PSEN1: variants seen among roughly 807,000 people sequenced by gnomAD.
PSEN1 encodes the protein presenilin-1.
A neutral mutation model predicts 53.5 loss-of-function variants in PSEN1; 15 were observed. That is an observed-to-expected ratio of 0.28 (90% confidence interval 0.19 to 0.43). The LOEUF (loss-of-function observed/expected upper bound fraction) is 0.43, where lower values mean the gene tolerates loss of function less well. Among genes scored for constraint, PSEN1 ranks in the 20% least tolerant of loss-of-function variants. The pLI, the probability that PSEN1 is intolerant of heterozygous loss-of-function variation, is 1.00. For synonymous variants in PSEN1, 208 were observed against 209.8 expected (o/e 0.99, Z 0.08); for missense variants, 387 against 571.2 (o/e 0.68, Z 3.29).
chr14:73,187,869 C>T (rs1018663868), intron 6 of PSEN1, among the ~76,000 whole-genome samples: 3 of 151,998 alleles, frequency 2.0e-5, no homozygotes, highest in African/African-American at 7.3e-5. Flanking sequence ...AACTATTGGT[C>T]GGTTATATTT....
At chr14:73,140,611 TTAA>T (rs1173107490) in intron 1 of PSEN1, among the ~76,000 whole-genome samples, 1 of 152,160 alleles carries the variant, frequency 6.6e-6, no homozygotes, top group East Asian at 1.9e-4. Flanking sequence ...TCACTATAGC[TTAA>T]TAATTTGTTT....
At chr14:73,162,832 T>C (rs544816722) in intron 3 of PSEN1, among the ~76,000 whole-genome samples, 38 of 152,288 alleles carry the variant, frequency 2.5e-4, no homozygotes, top group African/African-American at 8.9e-4. Context: ...AAAGAAACTT[T>C]GAAAGGATTC....
chr14:73,165,860 A>G lies in PSEN1; in HGVS notation c.88-4937A>G, dbSNP rs371274554. On this transcript the variant is annotated intron_variant, in intron 3 of 11. Transcript: ENST00000324501. ...ATCATGAGGTCAGGAGTTCGAGACC[A>G]GCCTGGCCAACATGGTGAAACCCTG... Among the ~76,000 whole-genome samples the G allele has an allele frequency of 3.0e-4, 45 of 152,142 alleles. No individual in the cohort carries two copies. The East Asian group carries it at 7.7e-3, about 26-fold the overall frequency.
chr14:73,174,677 G>A (rs1239066404), intron 5 of PSEN1, among the ~76,000 whole-genome samples: 42 of 152,064 alleles, frequency 2.8e-4, no homozygotes, highest in Admixed American at 2.8e-3. Context: ...TTTTTATATT[G>A]GAGTACAGAA....
intron 9 of PSEN1, among the ~76,000 whole-genome samples, chr14:73,207,441 A>G (rs1899498525): frequency 6.6e-6 from 1 of 152,208 alleles, no homozygotes; most frequent in African/African-American, 2.4e-5. Flanking sequence ...GAGGAAAAAA[A>G]GGCCTTAATT....
intron 8 of PSEN1, among the ~76,000 whole-genome samples, chr14:73,201,038 G>A (rs910009741): frequency 1.3e-5 from 2 of 152,036 alleles, no homozygotes; most frequent in Non-Finnish European, 2.9e-5. Flanking sequence ...GTGACAGCAA[G>A]GCTTCATCCC....
intron 1 of PSEN1, among the ~76,000 whole-genome samples, chr14:73,138,397 T>G (rs1478898421): frequency 6.6e-6 from 1 of 151,322 alleles, no homozygotes; most frequent in African/African-American, 2.4e-5. Context: ...TTTTTTGTAT[T>G]TTTAGTAGAC....
chr14:73,183,664 C>G (rs1216733862), intron 5 of PSEN1, among the ~76,000 whole-genome samples: 21 of 152,032 alleles, frequency 1.4e-4, no homozygotes, highest in Non-Finnish European at 2.9e-4. Flanking sequence ...TTTCTTAGTA[C>G]AGAACAAAAT....
chr14:73,197,391 C>T (rs1282970554), intron 7 of PSEN1, among the ~76,000 whole-genome samples: 5 of 152,122 alleles, frequency 3.3e-5, no homozygotes, highest in African/African-American at 1.2e-4. Context: ...TGTTCTGAGA[C>T]CTGAATATTT....
At chr14:73,163,930 TAA>T (rs774839177) in intron 3 of PSEN1, among the ~76,000 whole-genome samples, 1 of 147,276 alleles carries the variant, frequency 6.8e-6, no homozygotes, top group African/African-American at 2.5e-5. Flanking sequence ...TCATTTTGTT[TAA>T]AAAAAAAAAA....
intron 3 of PSEN1, among the ~76,000 whole-genome samples, chr14:73,149,174 T>A (rs1351283980): frequency 6.6e-6 from 1 of 151,920 alleles, no homozygotes; most frequent in Non-Finnish European, 1.5e-5. Context: ...GGCAATAAGG[T>A]CTGGATCAAT....
chr14:73,166,328 T>C (rs747620948), intron 3 of PSEN1, among the ~76,000 whole-genome samples: 2 of 152,138 alleles, frequency 1.3e-5, no homozygotes, highest in Admixed American at 1.3e-4. Flanking sequence ...TGTGGTGCCA[T>C]AGAAAGAAAA....
At chr14:73,185,425 G>C (rs548150697) in intron 5 of PSEN1, among the ~76,000 whole-genome samples, 4 of 152,342 alleles carry the variant, frequency 2.6e-5, no homozygotes, top group African/African-American at 9.6e-5. Flanking sequence ...CCAACACAGC[G>C]AAACCCCGTC....
chr14:73,187,639 G>A (rs1044533325), intron 6 of PSEN1, among the ~76,000 whole-genome samples: 2 of 152,202 alleles, frequency 1.3e-5, no homozygotes, highest in South Asian at 4.1e-4. Flanking sequence ...TAAAGAAGAG[G>A]TACAGAAAGT....
chr14:73,149,257 T>A (rs371755869), intron 3 of PSEN1, among the ~76,000 whole-genome samples: 1 of 151,900 alleles, frequency 6.6e-6, no homozygotes, highest in African/African-American at 2.4e-5. Context: ...CTCAGGAGGC[T>A]GAGGTACGAG....
chr14:73,166,216 A>G (rs1044821950), intron 3 of PSEN1, among the ~76,000 whole-genome samples: 2 of 152,212 alleles, frequency 1.3e-5, no homozygotes, highest in Non-Finnish European at 2.9e-5. Context: ...AATGTTCATT[A>G]TAAACCAGAT....
chr14:73,185,696 C>T (rs942399273), intron 5 of PSEN1, among the ~76,000 whole-genome samples: 11 of 152,102 alleles, frequency 7.2e-5, no homozygotes, highest in Admixed American at 2.6e-4. Context: ...GGCCAGAAGT[C>T]CCAAGTCAAG....
chr14:73,167,735 G>A (rs984038174), intron 3 of PSEN1: 1 of 142,636 alleles, frequency 7.0e-6, no homozygotes, highest in African/African-American at 2.7e-5. Flanking sequence ...CTAAAATAAC[G>A]TTTTCTGTTT....
intron 3 of PSEN1, among the ~76,000 whole-genome samples, chr14:73,161,424 G>T (rs913990692): frequency 6.6e-6 from 1 of 152,124 alleles, no homozygotes; most frequent in African/African-American, 2.4e-5. Context: ...AAGTTTCATT[G>T]TACAGGATAT....
Sources: allele counts gnomAD v4.1 joint callset (sites outside exome capture counted in the v4.1 genomes callset), GRCh38; gene constraint gnomAD v4.1.1; transcripts MANE v1.5; gene names NCBI Gene and HGNC (gene_info 2026-07-23, HGNC 2026-07-21).